PLCB1: variants seen among roughly 807,000 people sequenced by gnomAD.
The protein encoded by PLCB1 is 1-phosphatidylinositol 4,5-bisphosphate phosphodiesterase beta-1.
In PLCB1, 46 loss-of-function variants were observed where a neutral mutation model predicts 161.8. The observed-to-expected ratio is 0.28, with a 90% CI of 0.22 to 0.36. PLCB1 has a LOEUF of 0.36. Ranked by LOEUF, PLCB1 falls within the 10% of genes least tolerant of loss-of-function variation. PLCB1 has a pLI of 1.00. For synonymous variants in PLCB1, 517 were observed against 503.7 expected (o/e 1.03, Z -0.35); for missense variants, 1,016 against 1,472.5 (o/e 0.69, Z 5.07).
intron 26 of PLCB1, among the ~76,000 whole-genome samples, chr20:8,767,133 A>G (rs1031699967): frequency 6.6e-6 from 1 of 152,190 alleles, no homozygotes; most frequent in African/African-American, 2.4e-5. Flanking sequence ...TCCATTATCT[A>G]GCCTAGATCA....
chr20:8,863,155 A>G (rs1274618860), intron 31 of PLCB1, among the ~76,000 whole-genome samples: 4 of 152,222 alleles, frequency 2.6e-5, no homozygotes, highest in Non-Finnish European at 5.9e-5. Context: ...CTGCATGACA[A>G]TGGTTAGGCC....
chr20:8,376,714 G>C (rs1009424531), intron 3 of PLCB1, among the ~76,000 whole-genome samples: 6 of 152,088 alleles, frequency 3.9e-5, no homozygotes, highest in South Asian at 2.1e-4. Context: ...GGATCACGAG[G>C]TCAGGAGATC....
At chr20:8,432,761 C>T (rs760101815) in intron 3 of PLCB1, among the ~76,000 whole-genome samples, 3 of 152,122 alleles carry the variant, frequency 2.0e-5, no homozygotes, top group Admixed American at 6.5e-5. Flanking sequence ...TTGATCAGTC[C>T]GGCCTAGTCA....
chr20:8,514,021 C>CA (rs1223589206), intron 3 of PLCB1, among the ~76,000 whole-genome samples: 1 of 151,252 alleles, frequency 6.6e-6, no homozygotes, highest in Non-Finnish European at 1.5e-5. Context: ...GTCCCTGTCT[C>CA]AAAAAAATCA....
intron 2 of PLCB1, among the ~76,000 whole-genome samples, chr20:8,285,789 T>A (rs987579404): frequency 6.6e-6 from 1 of 152,088 alleles, no homozygotes; most frequent in Non-Finnish European, 1.5e-5. Context: ...CAGTGCGGGG[T>A]TTGTAGGATA....
Position 8,774,578 on chromosome 20 carries a change from T to C in PLCB1, c.2970T>C (p.Ile990=). Reference sequence around the variant, plus strand: ...GCCCTGATCATGGTTCATCAACGATTGAGCAAGACCTCGCTGCTCTGGATG... The same window carrying C: ...GCCCTGATCATGGTTCATCAACGATCGAGCAAGACCTCGCTGCTCTGGATG... ...PSSPDHGSST[I]EQDLAALDAE... Residue 990 remains isoleucine, a synonymous_variant, in exon 27 of 32, where the codon ATT becomes ATC. Transcript: ENST00000338037. 2.5e-6 allele frequency: 4 copies of C among 1,613,664 alleles called. No homozygotes were observed. The East Asian group carries it at 8.9e-5, about 36-fold the overall frequency.
intron 3 of PLCB1, among the ~76,000 whole-genome samples, chr20:8,544,032 A>G (rs144637087): frequency 1.8e-3 from 268 of 152,308 alleles, no homozygotes; most frequent in Non-Finnish European, 3.1e-3. Context: ...TAAATTGTGT[A>G]AAAGAAATAA....
chr20:8,200,845 T>C (rs572891499), intron 2 of PLCB1, among the ~76,000 whole-genome samples: 1 of 152,096 alleles, frequency 6.6e-6, no homozygotes, highest in Non-Finnish European at 1.5e-5. Context: ...TGTGTTTTAA[T>C]ATTAAGCATA....
intron 3 of PLCB1, among the ~76,000 whole-genome samples, chr20:8,436,027 G>A (rs899744491): frequency 1.3e-5 from 2 of 152,088 alleles, no homozygotes; most frequent in Non-Finnish European, 2.9e-5. Flanking sequence ...TACTTCTCTT[G>A]GAAGTTCCAT....
chr20:8,562,971 A>G (rs1434373662), intron 3 of PLCB1, among the ~76,000 whole-genome samples: 2 of 152,016 alleles, frequency 1.3e-5, no homozygotes, highest in Non-Finnish European at 2.9e-5. Flanking sequence ...GGTGTAGGCC[A>G]TTAATGTCAT....
At chr20:8,150,420 T>C in intron 2 of PLCB1, 49 bp downstream of exon 2, 1 of 801,482 alleles carries the variant, frequency 1.2e-6, no homozygotes, top group Non-Finnish European at 2.1e-6. Flanking sequence ...GTTTACTACT[T>C]TGAAAAGTAT....
intron 7 of PLCB1, among the ~76,000 whole-genome samples, chr20:8,653,691 A>G (rs943944481): frequency 3.3e-5 from 5 of 152,054 alleles, no homozygotes; most frequent in Non-Finnish European, 7.4e-5. Context: ...CCCATTTCTC[A>G]TATAATTATT....
intron 2 of PLCB1, among the ~76,000 whole-genome samples, chr20:8,357,496 C>T (rs993214547): frequency 6.6e-6 from 1 of 151,664 alleles, no homozygotes; most frequent in Admixed American, 6.6e-5. Context: ...TTTTTTTCTC[C>T]ACTATATTTA....
chr20:8,438,445 T>C (rs1164840251), intron 3 of PLCB1, among the ~76,000 whole-genome samples: 1 of 152,126 alleles, frequency 6.6e-6, no homozygotes, highest in Non-Finnish European at 1.5e-5. Context: ...AAACTTCTAA[T>C]GGGCAAAAGA....
chr20:8,523,474 C>G (rs1446490747), intron 3 of PLCB1, among the ~76,000 whole-genome samples: 1 of 63,582 alleles, frequency 1.6e-5, no homozygotes, highest in East Asian at 2.9e-4. Flanking sequence ...GGCTCTCTCT[C>G]TCTCTCTCTC....
intron 31 of PLCB1, among the ~76,000 whole-genome samples, chr20:8,838,757 C>CAT (rs35448170): frequency 0.93 from 142,267 of 152,208 alleles, 67,021 homozygotes; most frequent in East Asian, 0.99. Flanking sequence ...ACTTACTTGA[C>CAT]GTGCAGAAAA....
At chr20:8,240,007 C>G (rs1980519082) in intron 2 of PLCB1, among the ~76,000 whole-genome samples, 1 of 151,904 alleles carries the variant, frequency 6.6e-6, no homozygotes. Context: ...CAAAGCAGAC[C>G]AAGAGACATT....
chr20:8,589,236 T>G (rs916622952), intron 3 of PLCB1, among the ~76,000 whole-genome samples: 2 of 152,244 alleles, frequency 1.3e-5, no homozygotes, highest in East Asian at 3.9e-4. Flanking sequence ...AATTGAACAC[T>G]GGGCACAGTT....
At chr20:8,268,862 G>GA (rs1468353464) in intron 2 of PLCB1, among the ~76,000 whole-genome samples, 4 of 149,262 alleles carry the variant, frequency 2.7e-5, no homozygotes, top group Non-Finnish European at 3.0e-5. Context: ...TCAATGCCTT[G>GA]AAAAAATAGA....
Sources: allele counts gnomAD v4.1 joint callset (sites outside exome capture counted in the v4.1 genomes callset), GRCh38; gene constraint gnomAD v4.1.1; transcripts MANE v1.5; gene names NCBI Gene and HGNC (gene_info 2026-07-23, HGNC 2026-07-21).